Variants in PHACTR1 observed in about 807,000 individuals in gnomAD.
PHACTR1 encodes the protein RPEL repeat containing 1.
PHACTR1 carries 16 observed loss-of-function variants against 69.2 expected under a neutral mutation model. The observed-to-expected ratio is 0.23, with a 90% CI of 0.16 to 0.35. The LOEUF (loss-of-function observed/expected upper bound fraction) is 0.35, where lower values mean the gene tolerates loss of function less well. Ranked by LOEUF, PHACTR1 falls within the 10% of genes least tolerant of loss-of-function variation. The probability of loss-of-function intolerance (pLI) is 1.00; values close to 1 mark genes in which losing one functional copy is unlikely to be tolerated. For synonymous variants in PHACTR1, 312 were observed against 284.5 expected, an observed-to-expected ratio of 1.10 and a Z score of -0.97; for missense variants, 510 against 734.7, an observed-to-expected ratio of 0.69 and a Z score of 3.54.
chr6:13,191,324 G>A (rs750722694), intron 7 of PHACTR1, among the ~76,000 whole-genome samples: 5 of 152,156 alleles, frequency 3.3e-5, no homozygotes, highest in Admixed American at 2.0e-4. Context: ...TGAGATGGTC[G>A]GTCAAGTGCA....
intron 5 of PHACTR1, among the ~76,000 whole-genome samples, chr6:13,159,844 G>A (rs1758720905): frequency 6.6e-6 from 1 of 152,148 alleles, no homozygotes; most frequent in South Asian, 2.1e-4. Context: ...AGAGGCTAAG[G>A]CAGGAGAATC....
At chr6:12,838,180 T>G (rs368758999) in intron 4 of PHACTR1, among the ~76,000 whole-genome samples, 2 of 152,204 alleles carry the variant, frequency 1.3e-5, no homozygotes, top group South Asian at 2.1e-4. Context: ...CCCGTCCCCG[T>G]GGCTATAACA....
intron 5 of PHACTR1, among the ~76,000 whole-genome samples, chr6:13,075,624 CA>C (rs1810328560): frequency 1.3e-5 from 2 of 152,286 alleles, no homozygotes; most frequent in South Asian, 4.1e-4. Context: ...ATAAAGGCCA[CA>C]GGTGCCCCTT....
intron 5 of PHACTR1, among the ~76,000 whole-genome samples, chr6:13,109,860 G>GTGTGTC (rs1816764796): frequency 6.6e-6 from 1 of 151,706 alleles, no homozygotes; most frequent in African/African-American, 2.4e-5. Flanking sequence ...GTGTGTGTGT[G>GTGTGTC]TGTCTGTGTG....
chr6:12,929,065 C>A (rs1048545237), intron 4 of PHACTR1, among the ~76,000 whole-genome samples: 1 of 152,236 alleles, frequency 6.6e-6, no homozygotes, highest in African/African-American at 2.4e-5. Context: ...GGATCAGCTC[C>A]ATTTCGGAGT....
At chr6:12,982,436 T>A (rs1166611548) in intron 4 of PHACTR1, among the ~76,000 whole-genome samples, 1 of 152,238 alleles carries the variant, frequency 6.6e-6, no homozygotes, top group African/African-American at 2.4e-5. Flanking sequence ...ATCCCAATAC[T>A]TTGGGAGGCC....
intron 5 of PHACTR1, among the ~76,000 whole-genome samples, chr6:13,069,363 A>G (rs1313117559): frequency 1.3e-5 from 2 of 151,618 alleles, no homozygotes; most frequent in Non-Finnish European, 2.9e-5. Context: ...TTCCTTTAAC[A>G]CTTCTTTTTC....
At chr6:12,808,681 A>G (rs536235844) in intron 4 of PHACTR1, among the ~76,000 whole-genome samples, 18 of 152,326 alleles carry the variant, frequency 1.2e-4, no homozygotes, top group Admixed American at 1.2e-3. Flanking sequence ...TCAGTGAGAA[A>G]AGAGAATACC....
intron 4 of PHACTR1, among the ~76,000 whole-genome samples, chr6:12,871,935 G>A (rs1205700695): frequency 6.8e-6 from 1 of 146,358 alleles, no homozygotes; most frequent in Non-Finnish European, 1.5e-5. Flanking sequence ...GTATGTGAAA[G>A]AGAGGACATG....
chr6:12,896,187 C>T (rs1338012358), intron 4 of PHACTR1, among the ~76,000 whole-genome samples: 5 of 152,154 alleles, frequency 3.3e-5, no homozygotes, highest in South Asian at 4.1e-4. Flanking sequence ...CCCTTGTGTA[C>T]GTAAAGACAT....
At chr6:12,834,534 T>C (rs1777943611) in intron 4 of PHACTR1, among the ~76,000 whole-genome samples, 1 of 152,146 alleles carries the variant, frequency 6.6e-6, no homozygotes, top group Non-Finnish European at 1.5e-5. Context: ...TACACAAAGG[T>C]ATATGCAAAA....
At chr6:13,156,694 C>A (rs537011862) in intron 5 of PHACTR1, among the ~76,000 whole-genome samples, 1 of 152,208 alleles carries the variant, frequency 6.6e-6, no homozygotes, top group Non-Finnish European at 1.5e-5. Context: ...TGGCTAGCAT[C>A]GAACTTGTCA....
Position 12,749,741 on chromosome 6 carries a change from C to T in PHACTR1, c.201C>T (p.Ser67=), listed in dbSNP as rs199546311. The change falls in exon 4 of 15, where the codon AGC becomes AGT. Residue 67 remains serine (S), a synonymous_variant. Coordinates refer to ENST00000332995, the MANE Select transcript of PHACTR1 (RefSeq NM_030948.6). Reference sequence around the variant, plus strand: ...CCATCCGGAGAGTGCGCTCCAAGAGCGACACGCCGTACCTCGCAGAGGCCA... The same window carrying T: ...CCATCCGGAGAGTGCGCTCCAAGAGTGACACGCCGTACCTCGCAGAGGCCA... The part of the protein sequence containing the change: ...RRPIRRVRSK[S]DTPYLAEARI... The T allele has an allele frequency of 1.4e-3, 2,229 of 1,611,934 alleles. 6 individuals carry two copies. Among genetic ancestry groups the T allele is most frequent in the Middle Eastern group, 2.6e-3 (16 of 6,056 alleles).
intron 4 of PHACTR1, among the ~76,000 whole-genome samples, chr6:12,929,547 A>G (rs180791399): frequency 6.6e-6 from 1 of 152,238 alleles, no homozygotes; most frequent in African/African-American, 2.4e-5. Flanking sequence ...TTGAAGGACC[A>G]TGGTTTAATC....
intron 4 of PHACTR1, among the ~76,000 whole-genome samples, chr6:12,806,145 C>T (rs1276112362): frequency 1.3e-5 from 2 of 152,124 alleles, no homozygotes; most frequent in Admixed American, 1.3e-4. Flanking sequence ...TAATACCTGC[C>T]TCCAAAATCT....
intron 4 of PHACTR1, among the ~76,000 whole-genome samples, chr6:12,793,695 T>A (rs1428028093): frequency 1.3e-5 from 2 of 152,198 alleles, no homozygotes; most frequent in Non-Finnish European, 2.9e-5. Flanking sequence ...CTCAAATTAG[T>A]GGTGTTTTAA....
chr6:12,740,677 C>T (rs1427719481), intron 3 of PHACTR1, among the ~76,000 whole-genome samples: 1 of 152,004 alleles, frequency 6.6e-6, no homozygotes, highest in East Asian at 1.9e-4. Context: ...TATCTTCTCC[C>T]AGTCTGTGGC....
rs78853201 is a variant in PHACTR1, at chr6:13,258,952, T to A, written c.1392-13908T>A. Among the ~76,000 whole-genome samples the A allele has an allele frequency of 7.5e-3, 1,140 of 152,366 alleles. 16 individuals are homozygous for A. Among genetic ancestry groups the A allele is most frequent in the African/African-American group, 0.025 (1,022 of 41,590 alleles). On this transcript the variant is annotated intron_variant, in intron 10 of 14. Coordinates refer to ENST00000332995, the MANE Select transcript of PHACTR1 (RefSeq NM_030948.6). ...TTATATATAGCTCTAACTGAAAGCCTAGCCCAATTTCTGGCACATAATACA... is the reference window on the plus strand; with the variant it reads ...TTATATATAGCTCTAACTGAAAGCCAAGCCCAATTTCTGGCACATAATACA...
intron 4 of PHACTR1, among the ~76,000 whole-genome samples, chr6:12,763,207 C>G (rs947717456): frequency 7.2e-6 from 1 of 139,452 alleles, no homozygotes; most frequent in Non-Finnish European, 1.5e-5. Flanking sequence ...GGTGAAACTC[C>G]GTCTCAAAAA....
Sources: gnomAD v4.1 joint callset for allele counts (sites outside exome capture counted in the v4.1 genomes callset) on GRCh38, gnomAD v4.1.1 for gene constraint, MANE v1.5 for transcripts, NCBI Gene and HGNC (gene_info 2026-07-23, HGNC 2026-07-21) for gene names.